MAGI2: variants seen among roughly 807,000 people sequenced by gnomAD.
MAGI2 encodes membrane-associated guanylate kinase, WW and PDZ domain-containing protein 2.
Under a neutral mutation model 133.3 loss-of-function variants are expected in MAGI2, and 35 were observed. The observed-to-expected ratio is 0.26, with a 90% CI of 0.20 to 0.35. MAGI2 has a LOEUF of 0.35. Among genes scored for constraint, MAGI2 ranks in the 10% least tolerant of loss-of-function variants. The probability of loss-of-function intolerance (pLI) is 1.00; values close to 1 mark genes in which losing one functional copy is unlikely to be tolerated. For synonymous variants in MAGI2, 729 were observed against 710.6 expected, an observed-to-expected ratio of 1.03 and a Z score of -0.41; for missense variants, 1,636 against 1,863.4, an observed-to-expected ratio of 0.88 and a Z score of 2.25.
chr7:79,219,835 T>C (rs1020801322), intron 1 of MAGI2, among the ~76,000 whole-genome samples: 22 of 152,042 alleles, frequency 1.4e-4, no homozygotes, highest in African/African-American at 5.1e-4. Flanking sequence ...GAATTTTTAA[T>C]TGTAGGGATT....
At chr7:78,100,714 C>T (rs1470623989) in intron 20 of MAGI2, among the ~76,000 whole-genome samples, 1 of 151,456 alleles carries the variant, frequency 6.6e-6, no homozygotes, top group East Asian at 1.9e-4. Flanking sequence ...TGCTATATGT[C>T]GGTTTCATTA....
intron 6 of MAGI2, among the ~76,000 whole-genome samples, chr7:78,424,692 A>C (rs983658171): frequency 2.0e-5 from 3 of 152,158 alleles, no homozygotes. Flanking sequence ...CATGACCTGG[A>C]ATGTGAGACA....
intron 2 of MAGI2, among the ~76,000 whole-genome samples, chr7:78,787,504 T>C (rs37854): frequency 0.88 from 133,270 of 152,194 alleles, 58,460 homozygotes; most frequent in East Asian, 0.99. Flanking sequence ...TAAACTCTCC[T>C]ATTTCAGGAT....
intron 21 of MAGI2, among the ~76,000 whole-genome samples, chr7:78,058,329 C>G (rs768776144): frequency 6.6e-6 from 1 of 152,038 alleles, no homozygotes; most frequent in Non-Finnish European, 1.5e-5. Flanking sequence ...TGTTCTTGCT[C>G]GCCTTTGCCA....
chr7:78,712,278 G>A (rs182244761), intron 2 of MAGI2, among the ~76,000 whole-genome samples: 32 of 152,230 alleles, frequency 2.1e-4, no homozygotes, highest in African/African-American at 7.2e-4. Context: ...AGTTTGTTCT[G>A]TCTGACTCCC....
chr7:78,182,196 C>A (rs1032931026), intron 13 of MAGI2, among the ~76,000 whole-genome samples: 4 of 152,010 alleles, frequency 2.6e-5, no homozygotes, highest in African/African-American at 7.2e-5. Context: ...GTAAAGAGAT[C>A]TAGGAAAGTT....
chr7:78,686,858 C>T (rs1185849934), intron 2 of MAGI2, among the ~76,000 whole-genome samples: 2 of 152,300 alleles, frequency 1.3e-5, no homozygotes, highest in South Asian at 2.1e-4. Flanking sequence ...TTTCTAATCA[C>T]TAGAGGTGGC....
intron 1 of MAGI2, among the ~76,000 whole-genome samples, chr7:79,013,631 G>A (rs866973755): frequency 3.3e-5 from 5 of 152,286 alleles, no homozygotes; most frequent in African/African-American, 9.6e-5. Context: ...ACAGGTGACA[G>A]ACATATCTAA....
intron 6 of MAGI2, among the ~76,000 whole-genome samples, chr7:78,385,484 G>C (rs1469918009): frequency 6.6e-6 from 1 of 152,132 alleles, no homozygotes; most frequent in Non-Finnish European, 1.5e-5. Flanking sequence ...GTGTGTAACT[G>C]TAACAATGAA....
At chr7:78,843,094 G>T (rs916491881) in intron 2 of MAGI2, among the ~76,000 whole-genome samples, 4 of 151,758 alleles carry the variant, frequency 2.6e-5, no homozygotes, top group African/African-American at 9.7e-5. Flanking sequence ...CTTTCTAACT[G>T]CTTGCTGTAG....
intron 1 of MAGI2, among the ~76,000 whole-genome samples, chr7:79,451,604 A>G (rs1191261366): frequency 6.6e-6 from 1 of 152,218 alleles, no homozygotes; most frequent in East Asian, 1.9e-4. Flanking sequence ...GGCAATTTAC[A>G]TTTAAGAAAC....
intron 1 of MAGI2, among the ~76,000 whole-genome samples, chr7:79,160,317 A>G (rs1824230167): frequency 6.6e-6 from 1 of 151,938 alleles, no homozygotes; most frequent in South Asian, 2.1e-4. Context: ...TCATACAGAT[A>G]AAACAAAATA....
Position 79,432,291 on chromosome 7 carries a change from T to C in MAGI2, c.301+20729A>G, listed in dbSNP as rs1287191115. Among the ~76,000 whole-genome samples, 3 of 152,220 alleles carry C rather than the reference T, an allele frequency of 2.0e-5. No individual in the cohort carries two copies. In the East Asian group the frequency reaches 5.8e-4, roughly 29 times the overall value. Reference sequence around the variant, plus strand: ...TCTTAGAGGAGAGGGATGTGTTGCATGCACAGAAGTGGTCATTTAAAAAGG... The same window carrying C: ...TCTTAGAGGAGAGGGATGTGTTGCACGCACAGAAGTGGTCATTTAAAAAGG... On this transcript the variant is annotated intron_variant, in intron 1 of 21. Transcript: ENST00000354212.
intron 1 of MAGI2, among the ~76,000 whole-genome samples, chr7:79,089,189 A>T (rs925115946): frequency 6.6e-6 from 1 of 152,192 alleles, no homozygotes. Flanking sequence ...TGCAGCCAAC[A>T]AACATATGAA....
At chr7:78,450,590 T>A (rs1369416815) in intron 6 of MAGI2, among the ~76,000 whole-genome samples, 1 of 152,138 alleles carries the variant, frequency 6.6e-6, no homozygotes, top group African/African-American at 2.4e-5. Context: ...AGGAAGACTG[T>A]GTGATTAAAA....
chr7:78,502,477 A>G (rs181752650), intron 4 of MAGI2, among the ~76,000 whole-genome samples: 79 of 152,328 alleles, frequency 5.2e-4, no homozygotes, highest in Non-Finnish European at 1.0e-3. Context: ...TCAGTTACCC[A>G]TGGTCAACCA....
intron 1 of MAGI2, among the ~76,000 whole-genome samples, chr7:79,449,497 G>T (rs1849089380): frequency 6.6e-6 from 1 of 151,996 alleles, no homozygotes; most frequent in Non-Finnish European, 1.5e-5. Flanking sequence ...TGTGTAACTG[G>T]CTGCTGTGAA....
chr7:78,105,575 T>C lies in MAGI2; in HGVS notation c.3567+20119A>G, dbSNP rs190848006. On this transcript the variant is annotated intron_variant, in intron 20 of 21. Transcript: ENST00000354212. ...TGGAAATGAAAAACATAATAGTATA[T>C]CATTATGGTTTTAATTTTCTTTCTA... Among the ~76,000 whole-genome samples the C allele has an allele frequency of 5.9e-5, 9 of 152,302 alleles. No individual in the cohort carries two copies. In the East Asian group the frequency reaches 1.7e-3, roughly 29 times the overall value.
chr7:78,706,880 G>A (rs934427714), intron 2 of MAGI2, among the ~76,000 whole-genome samples: 3 of 152,092 alleles, frequency 2.0e-5, no homozygotes, highest in African/African-American at 7.2e-5. Context: ...AAAGAACACC[G>A]TGTGAATACA....
Sources: allele counts gnomAD v4.1 joint callset (sites outside exome capture counted in the v4.1 genomes callset), GRCh38; gene constraint gnomAD v4.1.1; transcripts MANE v1.5; gene names NCBI Gene and HGNC (gene_info 2026-07-23, HGNC 2026-07-21).